Variants in TRAPPC9 observed in about 807,000 individuals in gnomAD.
TRAPPC9 encodes IKK2 binding protein.
Under a neutral mutation model 124.0 loss-of-function variants are expected in TRAPPC9, and 83 were observed. The observed-to-expected ratio is 0.67, with a 90% CI of 0.56 to 0.80. The LOEUF is 0.80. Among genes scored for constraint, TRAPPC9 ranks in the 30% least tolerant of loss-of-function variants. TRAPPC9 has a pLI of 0.00. For missense variants in TRAPPC9, 1,302 were observed against 1,508.3 expected (o/e 0.86, Z 2.27); for synonymous variants, 638 against 617.5 (o/e 1.03, Z -0.49).
At chr8:140,445,078 C>T (rs1020994427) in intron 2 of TRAPPC9, among the ~76,000 whole-genome samples, 5 of 152,264 alleles carry the variant, frequency 3.3e-5, no homozygotes, top group East Asian at 1.9e-4. Context: ...GACTCACATC[C>T]GATTGCCTCT....
At chr8:139,951,771 G>A (rs1309299823) in intron 19 of TRAPPC9, among the ~76,000 whole-genome samples, 2 of 152,228 alleles carry the variant, frequency 1.3e-5, no homozygotes, top group East Asian at 3.8e-4. Context: ...GGCTCACAGA[G>A]ATCTTCTAAA....
chr8:139,856,452 G>A (rs1827804510), intron 21 of TRAPPC9, among the ~76,000 whole-genome samples: 3 of 152,150 alleles, frequency 2.0e-5, no homozygotes, highest in African/African-American at 7.2e-5. Flanking sequence ...GGGAGGCCAG[G>A]AGACTTGGCC....
At chr8:140,379,788 C>T (rs1325151404) in intron 7 of TRAPPC9, among the ~76,000 whole-genome samples, 4 of 152,108 alleles carry the variant, frequency 2.6e-5, no homozygotes, top group South Asian at 2.1e-4. Context: ...ATGAAATTAC[C>T]GATTCCTACA....
intron 21 of TRAPPC9, among the ~76,000 whole-genome samples, chr8:139,768,152 T>C (rs541429627): frequency 1.4e-4 from 22 of 152,376 alleles, no homozygotes; most frequent in African/African-American, 3.1e-4. Flanking sequence ...AGGAATACTA[T>C]GTAGCCATTA....
At chr8:140,388,102 T>C (rs531996909) in intron 7 of TRAPPC9, among the ~76,000 whole-genome samples, 13 of 151,322 alleles carry the variant, frequency 8.6e-5, no homozygotes, top group Non-Finnish European at 1.5e-4. Flanking sequence ...AAACCATCAT[T>C]CTCAGCAAAC....
At chr8:139,966,570 T>C (rs1484829844) in intron 19 of TRAPPC9, among the ~76,000 whole-genome samples, 2 of 152,206 alleles carry the variant, frequency 1.3e-5, no homozygotes, top group Middle Eastern at 3.2e-3. Context: ...GGGTATAAAT[T>C]TGCCTGTTCC....
chr8:140,379,594 A>T (rs1277551674), intron 7 of TRAPPC9, among the ~76,000 whole-genome samples: 2 of 152,224 alleles, frequency 1.3e-5, no homozygotes, highest in Non-Finnish European at 2.9e-5. Flanking sequence ...AGGATAAATC[A>T]CTTGTCCCCA....
At chr8:139,772,410 G>A (rs1821031528) in intron 21 of TRAPPC9, among the ~76,000 whole-genome samples, 1 of 152,116 alleles carries the variant, frequency 6.6e-6, no homozygotes, top group East Asian at 1.9e-4. Flanking sequence ...CCTCATCAGG[G>A]ACTCATCTGA....
At chr8:140,022,388 G>A (rs1839877382) in intron 18 of TRAPPC9, among the ~76,000 whole-genome samples, 1 of 152,194 alleles carries the variant, frequency 6.6e-6, no homozygotes, top group Non-Finnish European at 1.5e-5. Flanking sequence ...AAGGGCCACA[G>A]GCTTGGGGGC....
At chr8:140,385,718 A>G (rs1455918399) in intron 7 of TRAPPC9, among the ~76,000 whole-genome samples, 1 of 152,230 alleles carries the variant, frequency 6.6e-6, no homozygotes, top group Non-Finnish European at 1.5e-5. Context: ...ACGGATTCAC[A>G]GCCGAATTCT....
At chr8:140,098,468 C>G (rs1043926832) in intron 17 of TRAPPC9, 11 of 152,216 alleles carry the variant, frequency 7.2e-5, no homozygotes, top group African/African-American at 2.7e-4. Flanking sequence ...TAAAAACGCC[C>G]CCCAGGGTTC....
intron 17 of TRAPPC9, among the ~76,000 whole-genome samples, chr8:140,121,752 C>A (rs942761500): frequency 1.3e-5 from 2 of 152,172 alleles, no homozygotes; most frequent in Non-Finnish European, 2.9e-5. Flanking sequence ...TTAAAGGGCT[C>A]CTCTGGAGAG....
At chr8:139,895,235 G>A (rs1436177680) in intron 20 of TRAPPC9, among the ~76,000 whole-genome samples, 1 of 152,228 alleles carries the variant, frequency 6.6e-6, no homozygotes, top group Admixed American at 6.5e-5. Context: ...GAGGCGGGGG[G>A]CACACAGGCA....
intron 21 of TRAPPC9, among the ~76,000 whole-genome samples, chr8:139,858,709 G>A (rs1024035194): frequency 6.6e-6 from 1 of 151,922 alleles, no homozygotes. Flanking sequence ...CAACACAGCC[G>A]GCACCTGCAG....
intron 17 of TRAPPC9, chr8:140,040,840 T>G (rs931986193): frequency 9.9e-5 from 15 of 151,950 alleles, no homozygotes; most frequent in African/African-American, 3.6e-4. Context: ...GAGGCCCAAG[T>G]CAACTGCAAT....
intron 17 of TRAPPC9, among the ~76,000 whole-genome samples, chr8:140,179,545 A>T (rs957437281): frequency 6.6e-6 from 1 of 152,046 alleles, no homozygotes; most frequent in Non-Finnish European, 1.5e-5. Flanking sequence ...AATAATGTGT[A>T]TATTTGTTGT....
intron 14 of TRAPPC9, among the ~76,000 whole-genome samples, chr8:140,281,792 G>A (rs956647702): frequency 1.3e-5 from 2 of 151,972 alleles, no homozygotes; most frequent in South Asian, 2.1e-4. Context: ...TTTATTCCCC[G>A]GTTATACGTC....
intron 1 of TRAPPC9, among the ~76,000 whole-genome samples, chr8:140,451,688 T>G (rs950316743): frequency 2.0e-5 from 3 of 152,174 alleles, no homozygotes; most frequent in Admixed American, 1.3e-4. Context: ...AAATGTCTGT[T>G]GAGTGAATGA....
chr8:140,120,755 C>A (rs1469276278), intron 17 of TRAPPC9, among the ~76,000 whole-genome samples: 1 of 151,730 alleles, frequency 6.6e-6, no homozygotes, highest in African/African-American at 2.4e-5. Context: ...TCCATTCATT[C>A]ATCCATCCAA....
Sources: allele counts gnomAD v4.1 joint callset (sites outside exome capture counted in the v4.1 genomes callset), GRCh38; gene constraint gnomAD v4.1.1; transcripts MANE v1.5; gene names NCBI Gene and HGNC (gene_info 2026-07-23, HGNC 2026-07-21).